The following ADAMTS2 variants were observed in gnomAD, a reference collection of about 807,000 sequenced individuals.
ADAMTS2 encodes the protein ADAM metallopeptidase with thrombospondin type 1 motif 2.
In ADAMTS2, 50 loss-of-function variants were observed where a neutral mutation model predicts 123.0. The ratio of observed to expected loss-of-function variants is 0.41; its 90% confidence interval spans 0.32 to 0.51. The LOEUF is 0.51. Among genes scored for constraint, ADAMTS2 ranks in the 20% least tolerant of loss-of-function variants. ADAMTS2 has a pLI of 0.35. For missense variants in ADAMTS2, 1,494 were observed against 1,705.2 expected, an observed-to-expected ratio of 0.88 and a Z score of 2.18; for synonymous variants, 678 against 695.4, an observed-to-expected ratio of 0.98 and a Z score of 0.39.
intron 4 of ADAMTS2, among the ~76,000 whole-genome samples, chr5:179,186,292 C>T (rs1210566800): frequency 2.6e-5 from 4 of 152,220 alleles, no homozygotes; most frequent in Admixed American, 6.5e-5. Flanking sequence ...CCTGCCCCTG[C>T]GTGTGCTATG....
intron 2 of ADAMTS2, among the ~76,000 whole-genome samples, chr5:179,276,497 G>C (rs1219183703): frequency 6.6e-6 from 1 of 152,178 alleles, no homozygotes; most frequent in East Asian, 1.9e-4. Flanking sequence ...CAAGCGTCCA[G>C]TGACTCGTCT....
intron 2 of ADAMTS2, among the ~76,000 whole-genome samples, chr5:179,340,196 C>T (rs546117914): frequency 3.9e-5 from 6 of 152,372 alleles, no homozygotes; most frequent in South Asian, 2.1e-4. Context: ...CCTTGGAGGG[C>T]GGACCATCTC....
rs76067614 is a variant in ADAMTS2 at position 179,216,519 on chromosome 5, C to T, written c.689-8804G>A. ...GACCGTATTTCCGCTGCAGGTCCAGCGCGTGGTCCCCACCTGGGCCCTACC... is the reference window on the plus strand; with the variant it reads ...GACCGTATTTCCGCTGCAGGTCCAGTGCGTGGTCCCCACCTGGGCCCTACC... On this transcript the variant is annotated intron_variant, in intron 3 of 21. Transcript: ENST00000251582. Among the ~76,000 whole-genome samples, 136 of 152,206 alleles carry T rather than the reference C, an allele frequency of 8.9e-4. 1 individual carries two copies. In the East Asian group the frequency reaches 0.021, roughly 24 times the overall value.
At position 179,113,798 on chromosome 5, in the gene ADAMTS2, G is replaced by C; in HGVS notation, c.*69C>G. The C allele has an allele frequency of 6.8e-7, 1 of 1,480,042 alleles. No homozygotes were observed. The highest frequency in any genetic ancestry group is 9.4e-7 in the Non-Finnish European group (1 of 1,058,968). The allele number at this position is 1,480,042 out of a possible 1,614,324, so 91.7% of individuals were successfully genotyped here. ...TTTTGACTTCATCTCCATGACACAGGATTTGCTATCCCATGGAATATCTCT... is the reference window on the plus strand; with the variant it reads ...TTTTGACTTCATCTCCATGACACAGCATTTGCTATCCCATGGAATATCTCT... On this transcript the variant is annotated 3_prime_UTR_variant, in exon 22 of 22. Coordinates refer to ENST00000251582, the MANE Select transcript of ADAMTS2 (RefSeq NM_014244.5).
intron 3 of ADAMTS2, among the ~76,000 whole-genome samples, chr5:179,254,530 T>C (rs914745242): frequency 2.6e-5 from 4 of 152,172 alleles, no homozygotes; most frequent in African/African-American, 7.2e-5. Context: ...TTATAGTCCA[T>C]TGATTTTTAA....
chr5:179,160,129 A>G (rs1039109654), intron 5 of ADAMTS2, among the ~76,000 whole-genome samples: 1 of 152,218 alleles, frequency 6.6e-6, no homozygotes, highest in Non-Finnish European at 1.5e-5. Flanking sequence ...ATGTATCCAC[A>G]AAGTAGAGCC....
chr5:179,281,051 T>C (rs1393068719), intron 2 of ADAMTS2, among the ~76,000 whole-genome samples: 1 of 152,132 alleles, frequency 6.6e-6, no homozygotes, highest in African/African-American at 2.4e-5. Flanking sequence ...AGAGATGGGG[T>C]TTCACCATGT....
intron 21 of ADAMTS2, chr5:179,120,335 G>A (rs1293906089): frequency 6.6e-6 from 1 of 152,126 alleles, no homozygotes; most frequent in Non-Finnish European, 1.5e-5. Flanking sequence ...TATAGAATAC[G>A]TCATTAAATA....
intron 3 of ADAMTS2, among the ~76,000 whole-genome samples, chr5:179,241,228 T>C (rs1765661876): frequency 6.6e-6 from 1 of 152,226 alleles, no homozygotes; most frequent in African/African-American, 2.4e-5. Flanking sequence ...AACAAAGCCT[T>C]GTCACTGTGT....
chr5:179,121,354 G>A (rs921688715), intron 21 of ADAMTS2: 3 of 214,060 alleles, frequency 1.4e-5, no homozygotes, highest in Non-Finnish European at 2.8e-5. Flanking sequence ...GGGCCGGGAC[G>A]GGCTCGGCCC....
chr5:179,320,643 C>T (rs1287422316), intron 2 of ADAMTS2, among the ~76,000 whole-genome samples: 8 of 152,132 alleles, frequency 5.3e-5, no homozygotes. Context: ...GATAGCACAG[C>T]CCCTGTGTCA....
At chr5:179,214,955 C>T (rs192721368) in intron 3 of ADAMTS2, among the ~76,000 whole-genome samples, 2 of 152,120 alleles carry the variant, frequency 1.3e-5, no homozygotes, top group Non-Finnish European at 2.9e-5. Flanking sequence ...AAATAATCTC[C>T]ATCAAATAAT....
At chr5:179,339,300 C>T (rs935922892) in intron 2 of ADAMTS2, among the ~76,000 whole-genome samples, 2 of 152,206 alleles carry the variant, frequency 1.3e-5, no homozygotes, top group Admixed American at 6.5e-5. Context: ...TCAAAGGTTG[C>T]CTCCTTGGAA....
intron 2 of ADAMTS2, among the ~76,000 whole-genome samples, chr5:179,282,275 C>G (rs560321858): frequency 1.3e-5 from 2 of 152,344 alleles, no homozygotes; most frequent in African/African-American, 4.8e-5. Flanking sequence ...TTAGCTCTTA[C>G]ATGTAGATCT....
Position 179,332,918 on chromosome 5 carries a change from GGCC to G in ADAMTS2, c.534+10846_534+10848del, listed in dbSNP as rs1252787490. ...GCTCAACGCCCATGGAGCTCCAGGT[GGCC>G]GCCAAGTGTGGACAGCCCTGCAGCA... On this transcript the variant is annotated intron_variant, in intron 2 of 21. Transcript: ENST00000251582. The surrounding 1 kb of genome is among the most constrained non-coding windows in gnomAD (Gnocchi z 4.2). Among the ~76,000 whole-genome samples the G allele has an allele frequency of 6.6e-6, 1 of 152,152 alleles. No homozygotes were observed. Among genetic ancestry groups the G allele is most frequent in the Non-Finnish European group, 1.5e-5 (1 of 68,020 alleles).
At chr5:179,134,753 T>TC (rs1231152582) in intron 13 of ADAMTS2, among the ~76,000 whole-genome samples, 1 of 102,114 alleles carries the variant, frequency 9.8e-6, no homozygotes, top group South Asian at 3.3e-4. Flanking sequence ...AGCTCCCGGC[T>TC]CCAGCTCCAG....
chr5:179,191,803 C>T (rs978408919), intron 4 of ADAMTS2, among the ~76,000 whole-genome samples: 22 of 152,172 alleles, frequency 1.4e-4, no homozygotes, highest in Non-Finnish European at 3.2e-4. Context: ...ACATGGTGGC[C>T]AAGCAGGTGG....
At chr5:179,309,799 C>A (rs1166178880) in intron 2 of ADAMTS2, among the ~76,000 whole-genome samples, 1 of 151,368 alleles carries the variant, frequency 6.6e-6, no homozygotes, top group Non-Finnish European at 1.5e-5. Flanking sequence ...CTGGCCCTGC[C>A]ACTTGACCGG....
In ADAMTS2 at chr5:179,129,182, C is replaced by G. The variant is rs560989083; in HGVS notation, c.2457+750G>C. 6.6e-6 allele frequency among the ~76,000 whole-genome samples: 1 copy of G among 152,268 alleles called. No homozygotes were observed. The highest frequency in any genetic ancestry group is 1.9e-4 in the East Asian group (1 of 5,162). ...TGATGCAGGCAGGTCACCAAAGGCA[C>G]GTCCAGGGGGCCAGAAGTCACTGCA... is the stretch of plus-strand genomic sequence containing the variant. On this transcript the variant is annotated intron_variant, in intron 16 of 21. Transcript: ENST00000251582. This position sits in a 1 kb window ranked among gnomAD's most constrained non-coding sequence, Gnocchi z 4.1.
Sources: allele counts gnomAD v4.1 joint callset (sites outside exome capture counted in the v4.1 genomes callset), GRCh38; gene constraint gnomAD v4.1.1; non-coding constraint Gnocchi (gnomAD v3.1); transcripts MANE v1.5; gene names NCBI Gene and HGNC (gene_info 2026-07-23, HGNC 2026-07-21).